The following LRRC74B variants were observed in gnomAD, a reference collection of about 807,000 sequenced individuals.
LRRC74B encodes leucine rich repeat containing 74B, also known as leucine-rich repeat-containing protein 74B.
Under a neutral mutation model 16.6 loss-of-function variants are expected in LRRC74B, and 30 were observed. The observed-to-expected ratio is 1.80, with a 90% CI of 1.35 to 2.45. LRRC74B has a LOEUF of 2.45. Among genes scored for constraint, LRRC74B ranks in the 30% most tolerant of loss-of-function variants. The pLI, the probability that LRRC74B is intolerant of heterozygous loss-of-function variation, is 0.00. For synonymous variants in LRRC74B, 134 were observed against 86.0 expected (o/e 1.56, Z -3.09); for missense variants, 326 against 202.4 (o/e 1.61, Z -3.71).
downstream of LRRC74B, among the ~76,000 whole-genome samples, chr22:21,060,904 A>C (rs113985992): frequency 6.6e-6 from 1 of 152,180 alleles, no homozygotes; most frequent in African/African-American, 2.4e-5. Context: ...GCAAACGGGC[A>C]CAGCCTTTTT....
intron 1 of LRRC74B, 51 bp downstream of exon 1, chr22:21,046,176 C>T (rs773551508): frequency 2.8e-6 from 2 of 711,524 alleles, no homozygotes; most frequent in African/African-American, 1.7e-5. Flanking sequence ...GGGTCTTCTC[C>T]CGCAGGGGTT....
chr22:21,057,307 A>C (rs931836433), intron 8 of LRRC74B, 107 bp downstream of exon 8: 2 of 649,728 alleles, frequency 3.1e-6, no homozygotes, highest in Non-Finnish European at 5.6e-6. Context: ...AGCCCTGCCC[A>C]GTTACACAGC....
intron 4 of LRRC74B, among the ~76,000 whole-genome samples, chr22:21,050,188 G>A (rs1031499386): frequency 2.0e-5 from 3 of 152,004 alleles, no homozygotes; most frequent in African/African-American, 7.2e-5. Flanking sequence ...AGGTGCGTGC[G>A]ACAAGGCCTG....
intron 7 of LRRC74B, 47 bp from the exon 8 acceptor site, chr22:21,057,058 G>A: frequency 1.4e-6 from 1 of 714,748 alleles, no homozygotes; most frequent in Non-Finnish European, 2.6e-6. Context: ...TTGCTCTCTG[G>A]CCTTCCCGGA....
rs6005371 is a variant in LRRC74B at position 21,047,457 on chromosome 22, G to A, written c.241G>A (p.Ala81Thr). The A allele has an allele frequency of 1.8e-3, 1,265 of 717,486 alleles. 8 individuals carry two copies. The African/African-American group carries it at 0.019, about 11-fold the overall frequency. 44.4% of individuals were successfully genotyped at this position (717,486 alleles called of 1,614,324 possible). The stretch of plus-strand genomic sequence containing the variant: ...CTCCTGCTTTCTGCGCCAAGGGAGC[G>A]CCCAAGAGCTGAACCTCCGGCACCG... Residue 81 changes from alanine to threonine, a missense_variant, in exon 2 of 9, where the codon GCC (alanine) becomes ACC (threonine). Ala to Thr is a moderately conservative substitution (Grantham distance 58). Transcript: ENST00000442047.
At chr22:21,055,326 C>T (rs998783431) in intron 7 of LRRC74B, 150 bp downstream of exon 7, 4 of 607,102 alleles carry the variant, frequency 6.6e-6, no homozygotes, top group Non-Finnish European at 1.2e-5. Context: ...AATCTGGGGC[C>T]TGGCCCTCCT....
chr22:21,046,066 G>T (rs1276488156), exon 1 of LRRC74B: 2 of 717,322 alleles, frequency 2.8e-6, no homozygotes, highest in African/African-American at 3.5e-5. Context: ...CGTCTTTCAG[G>T]GGTCCCCGAG....
chr22:21,056,501 CA>C lies in LRRC74B; in HGVS notation c.928-589del, dbSNP rs58229327. ...TGGATGACAGAGCAAGACTCTGTCT[CA>C]AAAAAAAAAAAAAAGTAACATAGCA... On this transcript the variant is annotated intron_variant, in intron 7 of 8. Transcript: ENST00000442047. 7.7e-3 allele frequency: 879 copies of C among 114,340 alleles called. 5 individuals carry two copies. Among genetic ancestry groups the C allele is most frequent in the African/African-American group, 0.016 (479 of 30,660 alleles). 7.1% of individuals were successfully genotyped at this position (114,340 alleles called of 1,614,324 possible).
At chr22:21,052,848 C>T (rs1382137032) in intron 5 of LRRC74B, among the ~76,000 whole-genome samples, 2 of 152,236 alleles carry the variant, frequency 1.3e-5, no homozygotes, top group African/African-American at 2.4e-5. Context: ...GTGGGGCCCT[C>T]CTCAGGCCAT....
exon 1 of LRRC74B, chr22:21,046,000 G>A (rs767325176): frequency 2.8e-6 from 2 of 717,508 alleles, no homozygotes; most frequent in South Asian, 1.5e-5. Context: ...AGGGGTTCCT[G>A]TGAGAGGTCT....
At chr22:21,060,427 C>A (rs1417493200) in exon 9 of LRRC74B, 2 of 717,106 alleles carry the variant, frequency 2.8e-6, no homozygotes, top group East Asian at 5.4e-5. Flanking sequence ...GAGGGGAATT[C>A]TTCCAGAACT....
At chr22:21,047,407 G>C (rs1258002133) in exon 2 of LRRC74B, 4 of 717,394 alleles carry the variant, frequency 5.6e-6, no homozygotes, top group Admixed American at 2.0e-5. Context: ...CTGAGGTCTT[G>C]CCGGGCCCAT....
At chr22:21,061,524 G>A (rs1930805274), downstream of LRRC74B, among the ~76,000 whole-genome samples, 1 of 151,578 alleles carries the variant, frequency 6.6e-6, no homozygotes, top group Non-Finnish European at 1.5e-5. Context: ...GCAGCTGGGT[G>A]CAGTGGCACG....
Position 21,057,054 on chromosome 22 carries a change from T to G in LRRC74B, c.928-51T>G. 4.2e-6 allele frequency: 3 copies of G among 714,640 alleles called. No homozygotes were observed. In the East Asian group the frequency reaches 8.1e-5, roughly 19 times the overall value. 44.3% of individuals were successfully genotyped at this position (714,640 alleles called of 1,614,324 possible). On this transcript the variant is annotated intron_variant, in intron 7 of 8. Coordinates refer to ENST00000442047, the Ensembl canonical transcript of LRRC74B. ...CCCCTCCTTCCCTTTCACATTGCTC[T>G]CTGGCCTTCCCGGACCTGGCTTCTC... is the stretch of plus-strand genomic sequence containing the variant.
chr22:21,062,025 T>A (rs182999694), downstream of LRRC74B: 1 of 152,154 alleles, frequency 6.6e-6, no homozygotes, highest in Non-Finnish European at 1.5e-5. Context: ...TAAAACTGTT[T>A]CGAAAAGAAG....
At chr22:21,055,050 G>C (rs150807797) in intron 6 of LRRC74B, 48 bp from the exon 7 acceptor site, 1 of 711,776 alleles carries the variant, frequency 1.4e-6, no homozygotes. Flanking sequence ...GCTCTGCACC[G>C]CTGCTTGGAA....
intron 8 of LRRC74B, among the ~76,000 whole-genome samples, chr22:21,057,721 G>T (rs1304124087): frequency 7.1e-6 from 1 of 140,364 alleles, no homozygotes; most frequent in African/African-American, 2.7e-5. Context: ...TGGCTCAAGT[G>T]GTTCTCCTGT....
At chr22:21,045,948 C>A (rs1212664124), upstream of LRRC74B, 3 of 713,174 alleles carry the variant, frequency 4.2e-6, no homozygotes, top group Non-Finnish European at 5.2e-6. Context: ...GTCAAGCTGT[C>A]TCCGACTCAG....
chr22:21,059,328 G>A (rs530840614), intron 8 of LRRC74B, among the ~76,000 whole-genome samples: 6 of 152,330 alleles, frequency 3.9e-5, no homozygotes, highest in Non-Finnish European at 5.9e-5. Flanking sequence ...CAGAGGCAGA[G>A]GTTGCAGTGA....
Sources: gnomAD v4.1 joint callset for allele counts (sites outside exome capture counted in the v4.1 genomes callset) on GRCh38, gnomAD v4.1.1 for gene constraint, MANE v1.5 for transcripts, NCBI Gene and HGNC (gene_info 2026-07-23, HGNC 2026-07-21) for gene names.